Variants in MBNL1 observed in about 807,000 individuals in gnomAD.
MBNL1 encodes the protein muscleblind like splicing regulator 1.
Under a neutral mutation model 42.2 loss-of-function variants are expected in MBNL1, and 8 were observed. That is an observed-to-expected ratio of 0.19 (90% CI 0.11 to 0.34). The LOEUF is 0.34. Among genes scored for constraint, MBNL1 ranks in the 10% least tolerant of loss-of-function variants. The pLI, the probability that MBNL1 is intolerant of heterozygous loss-of-function variation, is 1.00. For missense variants in MBNL1, 309 were observed against 495.3 expected (o/e 0.62, Z 3.57); for synonymous variants, 169 against 173.9 (o/e 0.97, Z 0.22).
chr3:152,372,782 C>T (rs1170107352), intron 2 of MBNL1, among the ~76,000 whole-genome samples: 1 of 152,186 alleles, frequency 6.6e-6, no homozygotes, highest in Non-Finnish European at 1.5e-5. Flanking sequence ...GGGTCAGGGA[C>T]CCACTTGAGG....
intron 2 of MBNL1, among the ~76,000 whole-genome samples, chr3:152,364,558 A>G (rs1235398630): frequency 6.6e-6 from 1 of 152,020 alleles, no homozygotes; most frequent in Non-Finnish European, 1.5e-5. Flanking sequence ...TGAATTGTAC[A>G]GTAAGAGCTG....
At chr3:152,340,372 G>T (rs1358451758) in intron 2 of MBNL1, 8 of 828,086 alleles carry the variant, frequency 9.7e-6, no homozygotes, top group African/African-American at 1.7e-5. Context: ...CTCTTGTGGT[G>T]TATACTTGCC....
chr3:152,385,052 C>T (rs538842390), intron 2 of MBNL1, among the ~76,000 whole-genome samples: 25 of 152,012 alleles, frequency 1.6e-4, no homozygotes, highest in Non-Finnish European at 2.5e-4. Flanking sequence ...ATTATACATC[C>T]CTAGTAGAAA....
intron 2 of MBNL1, among the ~76,000 whole-genome samples, chr3:152,307,079 T>A (rs2063545537): frequency 6.7e-6 from 1 of 150,364 alleles, no homozygotes. Flanking sequence ...AACCTTCGCC[T>A]CCCACGTTCA....
chr3:152,245,324 T>C (rs571605481), intron 2 of MBNL1, among the ~76,000 whole-genome samples: 332 of 152,316 alleles, frequency 2.2e-3, no homozygotes, highest in African/African-American at 7.8e-3. Context: ...TTGGTTTCTT[T>C]ATACTTTGGT....
intron 2 of MBNL1, chr3:152,340,846 G>T: frequency 6.2e-7 from 1 of 1,613,918 alleles, no homozygotes. Flanking sequence ...AGCAGCCAGT[G>T]CTGCATAGAC....
At chr3:152,273,591 G>A (rs1180914516) in intron 1 of MBNL1, among the ~76,000 whole-genome samples, 1 of 152,114 alleles carries the variant, frequency 6.6e-6, no homozygotes, top group East Asian at 1.9e-4. Context: ...TTTTGATTAT[G>A]TTCTCTAGGT....
At chr3:152,286,465 TTTTATTTATAATATAAATATATTTTA>T (rs1560005235) in intron 1 of MBNL1, among the ~76,000 whole-genome samples, 2 of 140,468 alleles carry the variant, frequency 1.4e-5, no homozygotes, top group Admixed American at 7.3e-5. Context: ...TATAAATATA[TTTTATTTATAATATAAATATATTTTA>T]TTTATAATAT....
At chr3:152,372,017 C>T (rs2096684801) in intron 2 of MBNL1, among the ~76,000 whole-genome samples, 1 of 152,184 alleles carries the variant, frequency 6.6e-6, no homozygotes, top group African/African-American at 2.4e-5. Context: ...TCATTTTTCT[C>T]TAATCTTGTC....
chr3:152,251,776 T>C (rs915997867), intron 2 of MBNL1, among the ~76,000 whole-genome samples: 11 of 152,070 alleles, frequency 7.2e-5, no homozygotes, highest in African/African-American at 2.7e-4. Flanking sequence ...TGTTCATTTT[T>C]GTTGCCTAGT....
At chr3:152,322,173 C>T (rs2076856570) in intron 2 of MBNL1, among the ~76,000 whole-genome samples, 1 of 152,044 alleles carries the variant, frequency 6.6e-6, no homozygotes, top group African/African-American at 2.4e-5. Context: ...TTTCTAACTC[C>T]ATGTTCCCTG....
rs781746716 is a variant in MBNL1, at chr3:152,268,980, C to G, written c.-902C>G. 3.2e-4 allele frequency: 144 copies of G among 456,264 alleles called. No individual in the cohort carries two copies. Among genetic ancestry groups the G allele is most frequent in the Admixed American group, 4.9e-4 (21 of 42,584 alleles). 28.3% of individuals were successfully genotyped at this position (456,264 alleles called of 1,614,324 possible). On this transcript the variant is annotated 5_prime_UTR_variant, in exon 1 of 10. Transcript: ENST00000324210. ...TGTGGCGCCCACAATGCTCCCATGA[C>G]AAGGAGCTGACAAGTTCCATTTTCC...
rs745560807 is a variant in MBNL1, at chr3:152,290,552, A to G, written c.-789-8853A>G. On this transcript the variant is annotated intron_variant, in intron 1 of 9. Coordinates refer to ENST00000324210, the MANE Select transcript of MBNL1 (RefSeq NM_021038.5). ...CTTAGTTCTGTGATCAATTAACTTC[A>G]TACTTATTTTTGTGTTGTGCAATAA... is the stretch of plus-strand genomic sequence containing the variant. Among the ~76,000 whole-genome samples, 168 of 152,178 alleles carry G rather than the reference A, an allele frequency of 1.1e-3. 1 individual carries two copies. The highest frequency in any genetic ancestry group is 8.8e-4 in the Non-Finnish European group (60 of 67,952).
At chr3:152,350,470 G>A (rs1463148583) in intron 2 of MBNL1, among the ~76,000 whole-genome samples, 1 of 152,132 alleles carries the variant, frequency 6.6e-6, no homozygotes. Flanking sequence ...TCAGCTGAAG[G>A]ATTCAGCACA....
intron 3 of MBNL1, among the ~76,000 whole-genome samples, chr3:152,430,294 G>A (rs957755633): frequency 6.6e-6 from 1 of 151,950 alleles, no homozygotes; most frequent in African/African-American, 2.4e-5. Context: ...TTTGACCTTT[G>A]CTTTTAAATA....
chr3:152,314,403 T>TGG (rs955218480), intron 2 of MBNL1, among the ~76,000 whole-genome samples: 2 of 151,756 alleles, frequency 1.3e-5, no homozygotes, highest in African/African-American at 4.8e-5. Flanking sequence ...AGGTGGGAGT[T>TGG]TAGCTCTTGT....
intron 2 of MBNL1, among the ~76,000 whole-genome samples, chr3:152,353,477 AT>A (rs2095260216): frequency 6.6e-6 from 1 of 152,032 alleles, no homozygotes; most frequent in Non-Finnish European, 1.5e-5. Flanking sequence ...CCACTAGGTG[AT>A]TTGTCTCCTT....
intron 2 of MBNL1, among the ~76,000 whole-genome samples, chr3:152,342,391 T>A (rs2093439039): frequency 6.6e-6 from 1 of 152,108 alleles, no homozygotes; most frequent in Non-Finnish European, 1.5e-5. Context: ...AAGATTTAAT[T>A]TTACGAGACA....
At chr3:152,335,059 C>T in intron 2 of MBNL1, 1 of 1,243,456 alleles carries the variant, frequency 8.0e-7, no homozygotes, top group Non-Finnish European at 1.0e-6. Context: ...GCTAATATTG[C>T]TGGGAAGGAA....
Sources: allele counts gnomAD v4.1 joint callset (sites outside exome capture counted in the v4.1 genomes callset), GRCh38; gene constraint gnomAD v4.1.1; transcripts MANE v1.5; gene names NCBI Gene and HGNC (gene_info 2026-07-23, HGNC 2026-07-21).